Variants in ABCB7 observed in about 807,000 individuals in gnomAD.
The protein encoded by ABCB7 is iron-sulfur clusters transporter ABCB7, mitochondrial.
Under a neutral mutation model 54.4 loss-of-function variants are expected in ABCB7, and 7 were observed. The ratio of observed to expected loss-of-function variants is 0.13; its 90% confidence interval spans 0.07 to 0.24. The LOEUF is 0.24. Ranked by LOEUF, ABCB7 falls within the 10% of genes least tolerant of loss-of-function variation. The pLI is 1.00. For synonymous variants in ABCB7, 218 were observed against 207.1 expected (o/e 1.05, Z -0.45); for missense variants, 356 against 570.4 (o/e 0.62, Z 3.83).
At chrX:75,094,507 G>A (rs959854564) in intron 4 of ABCB7, among the ~76,000 whole-genome samples, 3 of 111,408 alleles carry the variant, frequency 2.7e-5, no homozygotes, top group Non-Finnish European at 5.7e-5. Context: ...GAGGTCAGGA[G>A]TTTGAGACCA....
At chrX:75,107,063 G>A (rs978411994) in intron 3 of ABCB7, among the ~76,000 whole-genome samples, 2 of 110,900 alleles carry the variant, frequency 1.8e-5, no homozygotes, top group South Asian at 3.9e-4. Flanking sequence ...TGCTGGAAGC[G>A]GGAGAGCACC....
intron 4 of ABCB7, among the ~76,000 whole-genome samples, chrX:75,086,605 G>T (rs2081499432): frequency 9.0e-6 from 1 of 111,699 alleles, no homozygotes; most frequent in Non-Finnish European, 1.9e-5. Flanking sequence ...AAGTAAAAAA[G>T]AATTTTGTTC....
At chrX:75,137,932 T>C (rs2082022882) in intron 1 of ABCB7, among the ~76,000 whole-genome samples, 1 of 111,377 alleles carries the variant, frequency 9.0e-6, no homozygotes, top group African/African-American at 3.3e-5. Context: ...TTATGCTAAT[T>C]ACCTGGGTGA....
chrX:75,068,929 T>C (rs2081342371), intron 12 of ABCB7, 78 bp downstream of exon 12: 1 of 1,081,476 alleles, frequency 9.2e-7, no homozygotes, highest in African/African-American at 1.8e-5. Flanking sequence ...GTTGATCCCT[T>C]GATTCAAACT....
chrX:75,123,454 A>G (rs2081898080), intron 1 of ABCB7, among the ~76,000 whole-genome samples: 1 of 111,496 alleles, frequency 9.0e-6, no homozygotes, highest in Non-Finnish European at 1.9e-5. Context: ...GAAATTAGGA[A>G]CTGTGATGCC....
At chrX:75,104,047 G>GTTGTTTTTTTTTTTTTTTTTTTTTTTTT (rs2081663492) in intron 3 of ABCB7, among the ~76,000 whole-genome samples, 1 of 13,443 alleles carries the variant, frequency 7.4e-5, no homozygotes, top group Admixed American at 2.0e-3. Context: ...TCTTGTTACA[G>GTTGTTTTTTTTTTTTTTTTTTTTTTTTT]TTTTTTTTTT....
intron 4 of ABCB7, among the ~76,000 whole-genome samples, chrX:75,098,262 T>C (rs887313265): frequency 1.8e-5 from 2 of 108,266 alleles, no homozygotes; most frequent in African/African-American, 3.4e-5. Flanking sequence ...TGAGCCAAGA[T>C]TGTGCCACTG....
At chrX:75,112,321 CTG>C (rs1413233549) in intron 3 of ABCB7, among the ~76,000 whole-genome samples, 1 of 111,270 alleles carries the variant, frequency 9.0e-6, no homozygotes, top group Non-Finnish European at 1.9e-5. Context: ...AGATGTAATA[CTG>C]TATAACAGTA....
intron 1 of ABCB7, among the ~76,000 whole-genome samples, chrX:75,141,660 A>T (rs920041266): frequency 2.7e-5 from 3 of 111,888 alleles, no homozygotes; most frequent in Non-Finnish European, 5.6e-5. Flanking sequence ...ACTTATAAAC[A>T]TTTGTGCACT....
intron 4 of ABCB7, among the ~76,000 whole-genome samples, chrX:75,085,854 T>A (rs1169526628): frequency 1.8e-5 from 2 of 110,160 alleles, no homozygotes; most frequent in African/African-American, 6.6e-5. Flanking sequence ...TTTAAATATT[T>A]TTTTTTTTTT....
intron 1 of ABCB7, 28 bp downstream of exon 1, chrX:75,156,077 C>T: frequency 6.6e-6 from 8 of 1,208,606 alleles, no homozygotes; most frequent in African/African-American, 3.5e-5. Flanking sequence ...GCCCTTCACC[C>T]TATTCTTCCA....
In ABCB7 at chrX:75,051,180, T is replaced by C. The variant is rs1368110301; in HGVS notation, c.*2190A>G. On this transcript the variant is annotated 3_prime_UTR_variant, in exon 16 of 16. Coordinates refer to ENST00000373394, the MANE Select transcript of ABCB7 (RefSeq NM_001271696.3). Reference sequence around the variant, plus strand: ...AACTAATCCACTTTTCAGTTGATTATGCATCTCAGTATTAACTCTAGCTTT... The same window carrying C: ...AACTAATCCACTTTTCAGTTGATTACGCATCTCAGTATTAACTCTAGCTTT... 2.7e-5 allele frequency among the ~76,000 whole-genome samples: 3 copies of C among 110,234 alleles called. No homozygotes were observed. The highest frequency in any genetic ancestry group is 5.7e-5 in the Non-Finnish European group (3 of 52,808).
chrX:75,102,507 C>T (rs2081648376), intron 3 of ABCB7, among the ~76,000 whole-genome samples: 1 of 111,674 alleles, frequency 9.0e-6, no homozygotes. Flanking sequence ...CAGGATTTCA[C>T]TTTTTTGTAG....
intron 4 of ABCB7, among the ~76,000 whole-genome samples, chrX:75,081,571 T>C (rs1399161134): frequency 8.9e-6 from 1 of 112,185 alleles, no homozygotes; most frequent in African/African-American, 3.2e-5. Flanking sequence ...AATTATAGTA[T>C]GAAAAACATC....
chrX:75,117,764 T>C (rs1325197670), intron 1 of ABCB7, among the ~76,000 whole-genome samples: 2 of 111,802 alleles, frequency 1.8e-5, no homozygotes, highest in African/African-American at 6.5e-5. Flanking sequence ...CTGATGGGAC[T>C]GCTGGAAAAA....
intron 1 of ABCB7, among the ~76,000 whole-genome samples, chrX:75,132,460 C>A (rs1390808147): frequency 2.7e-5 from 3 of 112,934 alleles, no homozygotes; most frequent in Non-Finnish European, 5.6e-5. Context: ...GCCATTGTCA[C>A]TGCCAAGGTC....
rs1227124372 is a variant in ABCB7, at chrX:75,075,490, T to C, written c.727A>G (p.Ser243Gly). 8.3e-7 allele frequency: 1 copy of C among 1,211,614 alleles called. No individual in the cohort carries two copies. The highest frequency in any genetic ancestry group is 1.8e-5 in the South Asian group (1 of 57,006). The change falls in exon 6 of 16, where the codon AGC (serine) becomes GGC (glycine). Residue 243 changes from serine (S) to glycine (G), a missense_variant. Ser to Gly is a moderately conservative substitution (Grantham distance 56, BLOSUM62 0). Transcript: ENST00000373394. Reference sequence around the variant, plus strand: ...TTAGATAAAGCTCCCGTCTGTCTGCTCAGGTGAAAACCCAGATCCAGGTTG... The same window carrying C: ...TTAGATAAAGCTCCCGTCTGTCTGCCCAGGTGAAAACCCAGATCCAGGTTG... ...LHNLDLGFHLSRQTGALSKAI... is the reference protein window; with the variant it reads ...LHNLDLGFHLGRQTGALSKAI...
rs142425608 is a variant in ABCB7 at position 75,053,609 on chromosome X, C to T, written c.2044-24G>A. On this transcript the variant is annotated intron_variant, in intron 15 of 15. Transcript: ENST00000373394. ...CCCTAAAAAGTAAACACATGAGAAA[C>T]ACGGAGAAAGGTCATTTAACTAGCA... is the stretch of plus-strand genomic sequence containing the variant. 2.4e-3 allele frequency: 2,822 copies of T among 1,167,924 alleles called. 37 individuals carry two copies. The African/African-American group carries it at 0.041, about 17-fold the overall frequency.
At chrX:75,091,696 A>T (rs1449229872) in intron 4 of ABCB7, among the ~76,000 whole-genome samples, 1 of 110,995 alleles carries the variant, frequency 9.0e-6, no homozygotes, top group Non-Finnish European at 1.9e-5. Context: ...ATCAACAAAA[A>T]ACCCTACTAG....
Sources: allele counts gnomAD v4.1 joint callset (sites outside exome capture counted in the v4.1 genomes callset), GRCh38; gene constraint gnomAD v4.1.1; transcripts MANE v1.5; gene names NCBI Gene and HGNC (gene_info 2026-07-23, HGNC 2026-07-21).